Variants in CX3CL1 observed in about 807,000 individuals in gnomAD.
CX3CL1 encodes the protein C-X3-C motif chemokine ligand 1, also known as fractalkine.
Under a neutral mutation model 14.1 loss-of-function variants are expected in CX3CL1, and 1 was observed. The ratio of observed to expected loss-of-function variants is 0.07; its 90% confidence interval spans 0.03 to 0.34. The LOEUF is 0.34. Among genes scored for constraint, CX3CL1 ranks in the 10% least tolerant of loss-of-function variants. The pLI, the probability that CX3CL1 is intolerant of heterozygous loss-of-function variation, is 0.99. For missense variants in CX3CL1, 505 were observed against 536.4 expected, an observed-to-expected ratio of 0.94 and a Z score of 0.58; for synonymous variants, 255 against 229.6, an observed-to-expected ratio of 1.11 and a Z score of -1.00.
In CX3CL1 at chr16:57,382,213, G is replaced by C; in HGVS notation, c.375G>C (p.Val125=). ...CCGCCGGGGGAATGGACGAGTCTGT[G>C]GTCCTGGAGCCCGAAGCCACAGGCG... ...TPAAGGMDES[V]VLEPEATGES... The change falls in exon 3 of 3, where the codon GTG becomes GTC. Residue 125 remains valine, a synonymous_variant. Coordinates refer to ENST00000006053, the MANE Select transcript of CX3CL1 (RefSeq NM_002996.6). The surrounding 1 kb of genome is among the most constrained non-coding windows in gnomAD (Gnocchi z 6.9). 6.2e-6 allele frequency: 10 copies of C among 1,612,984 alleles called. No homozygotes were observed. Among genetic ancestry groups the C allele is most frequent in the Non-Finnish European group, 6.8e-6 (8 of 1,179,474 alleles).
chr16:57,374,566 G>A (rs558036115), intron 1 of CX3CL1, among the ~76,000 whole-genome samples: 21 of 152,166 alleles, frequency 1.4e-4, no homozygotes, highest in Non-Finnish European at 2.8e-4. Context: ...CCAGGCCCCT[G>A]TCTAATTTAA....
At chr16:57,379,908 C>A (rs985334937) in intron 2 of CX3CL1, among the ~76,000 whole-genome samples, 154 bp downstream of exon 2, 64 of 152,196 alleles carry the variant, frequency 4.2e-4, no homozygotes, top group Admixed American at 6.5e-5. Context: ...CTGCAGGCCA[C>A]CTCACTGACC....
At position 57,382,783 on chromosome 16, in the gene CX3CL1, C is replaced by G. The variant is rs769190526; in HGVS notation, c.945C>G (p.Ile315Met). The change falls in exon 3 of 3, where the codon ATC (isoleucine) becomes ATG (methionine). Residue 315 changes from isoleucine (I) to methionine (M), a missense_variant. Coordinates refer to ENST00000006053, the MANE Select transcript of CX3CL1 (RefSeq NM_002996.6). The surrounding 1 kb of genome is among the most constrained non-coding windows in gnomAD (Gnocchi z 6.9). ...GSWTPKAEEPIHATMDPQRLG... is the reference protein window; with the variant it reads ...GSWTPKAEEPMHATMDPQRLG... ...GGACCCCTAAGGCTGAGGAACCCAT[C>G]CATGCCACCATGGACCCCCAGAGGC... 3.7e-6 allele frequency: 6 copies of G among 1,608,346 alleles called. No homozygotes were observed. The highest frequency in any genetic ancestry group is 5.1e-6 in the Non-Finnish European group (6 of 1,177,888).
At position 57,382,402 on chromosome 16, in the gene CX3CL1, G is replaced by A; in HGVS notation, c.564G>A (p.Val188=). Residue 188 remains valine, a synonymous_variant, in exon 3 of 3, where the codon GTG becomes GTA. Transcript: ENST00000006053. The surrounding 1 kb of genome is among the most constrained non-coding windows in gnomAD (Gnocchi z 6.9). ...CTGTGGGCACGGAGCTTTTCCGAGTGCCTCCCGTCTCCACTGCCGCCACGT... is the reference window on the plus strand; with the variant it reads ...CTGTGGGCACGGAGCTTTTCCGAGTACCTCCCGTCTCCACTGCCGCCACGT... ...GGPVGTELFR[V]PPVSTAATWQ... is the part of the protein sequence containing the mutation. 2 of 1,612,224 alleles carry A rather than the reference G, an allele frequency of 1.2e-6. No homozygotes were observed. The highest frequency in any genetic ancestry group is 1.7e-6 in the Non-Finnish European group (2 of 1,179,968).
intron 1 of CX3CL1, among the ~76,000 whole-genome samples, chr16:57,375,667 C>A (rs760109783): frequency 3.9e-5 from 6 of 152,224 alleles, no homozygotes; most frequent in Non-Finnish European, 7.3e-5. Flanking sequence ...GGACACACAG[C>A]TGGGCAATGG....
rs1902359934 is a variant in CX3CL1, at chr16:57,383,169, G to C, written c.*137G>C. 9.2e-6 allele frequency: 7 copies of C among 760,538 alleles called. No individual in the cohort carries two copies. The Admixed American group carries it at 2.4e-4, about 26-fold the overall frequency. The allele number at this position is 760,538 out of a possible 1,614,324, so 47.1% of individuals were successfully genotyped here. A position where few individuals can be genotyped will look rare whatever the true frequency, so the allele number is the denominator to read the frequency against. ...GAGGTGGGATCCTCCAGGTGCACAA[G>C]CTCCAAGCTCCCAGGCATTCCCCAG... On this transcript the variant is annotated 3_prime_UTR_variant, in exon 3 of 3. Transcript: ENST00000006053.
Position 57,383,830 on chromosome 16 carries a change from CT to C in CX3CL1, c.*799del, listed in dbSNP as rs776902724. On this transcript the variant is annotated 3_prime_UTR_variant, in exon 3 of 3. Coordinates refer to ENST00000006053, the MANE Select transcript of CX3CL1 (RefSeq NM_002996.6). ...CTTCTCTCCAGCCCCTGGATGCAGC[CT>C]CACAGTCCTTACCAGCAGAGCACCT... The C allele has an allele frequency of 6.6e-6, 1 of 152,534 alleles. No homozygotes were observed. Among genetic ancestry groups the C allele is most frequent in the Non-Finnish European group, 1.5e-5 (1 of 68,280 alleles). The allele number at this position is 152,534 out of a possible 1,614,324, so 9.4% of individuals were successfully genotyped here. A position where few individuals can be genotyped will look rare whatever the true frequency, so the allele number is the denominator to read the frequency against.
intron 1 of CX3CL1, among the ~76,000 whole-genome samples, chr16:57,376,644 G>A (rs1371750456): frequency 6.6e-6 from 1 of 152,030 alleles, no homozygotes; most frequent in African/African-American, 2.4e-5. Flanking sequence ...GTAGGGGAGA[G>A]GGAGTGGGTA....
chr16:57,373,798 G>A (rs1237609048), intron 1 of CX3CL1, among the ~76,000 whole-genome samples: 1 of 152,170 alleles, frequency 6.6e-6, no homozygotes, highest in Non-Finnish European at 1.5e-5. Context: ...TTATGTGACC[G>A]TGAGCAGGGT....
chr16:57,373,969 G>A (rs189819739), intron 1 of CX3CL1, among the ~76,000 whole-genome samples: 35 of 152,266 alleles, frequency 2.3e-4, no homozygotes, highest in African/African-American at 7.9e-4. Context: ...AGGGTCCTAG[G>A]CTAGGATGGA....
intron 1 of CX3CL1, among the ~76,000 whole-genome samples, chr16:57,374,210 A>T (rs1460747546): frequency 6.6e-6 from 1 of 151,960 alleles, no homozygotes; most frequent in Non-Finnish European, 1.5e-5. Flanking sequence ...GAGCCCCTGT[A>T]GGACAAGGGG....
rs1902353123 is a variant in CX3CL1 at position 57,382,882 on chromosome 16, C to T, written c.1044C>T (p.Phe348=). The change falls in exon 3 of 3, where the codon TTC becomes TTT. Residue 348 remains phenylalanine, a synonymous_variant. Coordinates refer to ENST00000006053, the MANE Select transcript of CX3CL1 (RefSeq NM_002996.6). The surrounding 1 kb of genome is among the most constrained non-coding windows in gnomAD (Gnocchi z 6.9). ...GGCAGGCGGTGGGGCTGCTGGCCTT[C>T]CTTGGCCTCCTCTTCTGCCTGGGGG... The part of the protein sequence containing the change: ...TRRQAVGLLA[F]LGLLFCLGVA... 2 of 1,560,058 alleles carry T rather than the reference C, an allele frequency of 1.3e-6. No homozygotes were observed. The highest frequency in any genetic ancestry group is 1.7e-6 in the Non-Finnish European group (2 of 1,149,168).
intron 1 of CX3CL1, among the ~76,000 whole-genome samples, chr16:57,375,139 A>T (rs60772217): frequency 8.6e-5 from 3 of 34,906 alleles, no homozygotes; most frequent in African/African-American, 1.7e-4. Flanking sequence ...GAGTCCATTT[A>T]AAAAAAAAAA....
Position 57,382,460 on chromosome 16 carries a change from A to G in CX3CL1, c.622A>G (p.Ser208Gly), listed in dbSNP as rs2146515559. Residue 208 changes from serine to glycine, a missense_variant, in exon 3 of 3, where the codon AGC (serine) becomes GGC (glycine). Transcript: ENST00000006053. This position sits in a 1 kb window ranked among gnomAD's most constrained non-coding sequence, Gnocchi z 6.9. Reference protein sequence around the residue: ...QSSAPHQPGPSLWAEAKTSEA... With the variant: ...QSSAPHQPGPGLWAEAKTSEA... The stretch of plus-strand genomic sequence containing the variant: ...TTCTGCTCCCCACCAACCTGGGCCC[A>G]GCCTCTGGGCTGAGGCAAAGACCTC... 6.2e-7 allele frequency: 1 copy of G among 1,612,910 alleles called. No individual in the cohort carries two copies. Among genetic ancestry groups the G allele is most frequent in the Non-Finnish European group, 8.5e-7 (1 of 1,179,890 alleles).
intron 2 of CX3CL1, among the ~76,000 whole-genome samples, chr16:57,381,603 A>G (rs908529729): frequency 2.0e-5 from 3 of 152,166 alleles, no homozygotes; most frequent in South Asian, 4.2e-4. Context: ...TAACAATATT[A>G]TCGACATTGT....
intron 2 of CX3CL1, 123 bp from the exon 3 acceptor site, chr16:57,381,907 G>T (rs1400110143): frequency 9.3e-7 from 1 of 1,074,820 alleles, no homozygotes. Flanking sequence ...ACGCTAAGTG[G>T]GAGGACAGGG....
Position 57,383,974 on chromosome 16 carries a change from G to T in CX3CL1, c.*942G>T, listed in dbSNP as rs1902376017. 6.6e-6 allele frequency: 1 copy of T among 152,342 alleles called. No homozygotes were observed. Among genetic ancestry groups the T allele is most frequent in the Non-Finnish European group, 1.5e-5 (1 of 68,144 alleles). 9.4% of individuals were successfully genotyped at this position (152,342 alleles called of 1,614,324 possible). A position where few individuals can be genotyped will look rare whatever the true frequency, so the allele number is the denominator to read the frequency against. On this transcript the variant is annotated 3_prime_UTR_variant, in exon 3 of 3. Coordinates refer to ENST00000006053, the MANE Select transcript of CX3CL1 (RefSeq NM_002996.6). ...GTGGGCCCCCAAATGGAAATGGGCA[G>T]AGCAGAGACCATCCCTGAAGGCCCC... is the stretch of plus-strand genomic sequence containing the variant.
chr16:57,377,813 T>C (rs560376292), intron 1 of CX3CL1: 1 of 152,152 alleles, frequency 6.6e-6, no homozygotes, highest in Non-Finnish European at 1.5e-5. Flanking sequence ...CATATAACCT[T>C]GACTCAGATC....
chr16:57,373,067 C>G (rs1268293512), intron 1 of CX3CL1, among the ~76,000 whole-genome samples: 1 of 152,124 alleles, frequency 6.6e-6, no homozygotes, highest in Admixed American at 6.5e-5. Context: ...TGGGCCAGGC[C>G]ACAGTTGGGA....
Sources: gnomAD v4.1 joint callset for allele counts (sites outside exome capture counted in the v4.1 genomes callset) on GRCh38, gnomAD v4.1.1 for gene constraint, Gnocchi (gnomAD v3.1) non-coding constraint, MANE v1.5 for transcripts, NCBI Gene and HGNC (gene_info 2026-07-23, HGNC 2026-07-21) for gene names.